The following CRB1 variants were observed in gnomAD, a reference collection of about 807,000 sequenced individuals.
CRB1 encodes protein crumbs homolog 1.
CRB1 carries 83 observed loss-of-function variants against 120.0 expected under a neutral mutation model. The ratio of observed to expected loss-of-function variants is 0.69; its 90% CI spans 0.58 to 0.83. The LOEUF (loss-of-function observed/expected upper bound fraction) is 0.83, where lower values mean the gene tolerates loss of function less well. CRB1 is among the 40% of genes least tolerant of loss of function. The pLI, the probability that CRB1 is intolerant of heterozygous loss-of-function variation, is 0.00. For missense variants in CRB1, 1,699 were observed against 1,687.6 expected (o/e 1.01, Z -0.12); for synonymous variants, 625 against 612.5 (o/e 1.02, Z -0.30).
intron 5 of CRB1, among the ~76,000 whole-genome samples, chr1:197,403,100 C>A (rs1410044883): frequency 1.3e-5 from 2 of 152,092 alleles, no homozygotes; most frequent in Non-Finnish European, 2.9e-5. Flanking sequence ...TTGTTATAAG[C>A]CAGATTTTGG....
Position 197,347,462 on chromosome 1 carries a change from C to A in CRB1, c.971C>A (p.Thr324Asn). The part of the protein sequence containing the change: ...ATCEDSVDNY[T>N]CHCWPGYTGA... ...TGTGAGGACAGTGTTGACAATTACA[C>A]TTGTCACTGCTGGCCTGGTGAGTGA... Residue 324 changes from threonine (T) to asparagine (N), a missense_variant, in exon 4 of 12, where the codon ACT becomes AAT. Thr to Asn is a moderately conservative substitution (Grantham distance 65). Transcript: ENST00000367400. The A allele has an allele frequency of 1.9e-6, 3 of 1,614,136 alleles. No individual in the cohort carries two copies. The highest frequency in any genetic ancestry group is 2.2e-5 in the South Asian group (2 of 91,080).
intron 1 of CRB1, among the ~76,000 whole-genome samples, chr1:197,294,867 G>T (rs1656426436): frequency 6.6e-6 from 1 of 152,036 alleles, no homozygotes; most frequent in African/African-American, 2.4e-5. Context: ...GAGAACACTT[G>T]GACACAGGAA....
chr1:197,346,531 C>T (rs1223253378), intron 3 of CRB1, among the ~76,000 whole-genome samples: 1 of 152,160 alleles, frequency 6.6e-6, no homozygotes, highest in Non-Finnish European at 1.5e-5. Flanking sequence ...GTGATAAAAA[C>T]ACACACAGCC....
chr1:197,386,687 C>T (rs34241991), intron 5 of CRB1, among the ~76,000 whole-genome samples: 38,799 of 151,968 alleles, frequency 0.26, 5,366 homozygotes, highest in Middle Eastern at 0.39. Context: ...TCCTCTTTAA[C>T]TCTGGAGGTT....
intron 11 of CRB1, among the ~76,000 whole-genome samples, chr1:197,448,337 T>C (rs1331045310): frequency 6.6e-6 from 1 of 152,176 alleles, no homozygotes; most frequent in Non-Finnish European, 1.5e-5. Context: ...CTGACTACAG[T>C]CTTAGCTTTA....
intron 2 of CRB1, 92 bp from the exon 3 acceptor site, chr1:197,344,189 G>C: frequency 8.4e-7 from 1 of 1,190,412 alleles, no homozygotes. Flanking sequence ...CATTTGACAA[G>C]TGCTCTGGTA....
the CRB1 span, among the ~76,000 whole-genome samples, chr1:197,259,469 G>C: frequency 2.0e-5 from 3 of 152,172 alleles, no homozygotes; most frequent in East Asian, 3.9e-4. Flanking sequence ...ACAAGTGGGA[G>C]TTGAACAATG....
At chr1:197,416,735 A>G (rs1193065112) in intron 5 of CRB1, among the ~76,000 whole-genome samples, 1 of 152,066 alleles carries the variant, frequency 6.6e-6, no homozygotes, top group Non-Finnish European at 1.5e-5. Context: ...TTTGAGACAG[A>G]GTCTCGCTCT....
In CRB1 at chr1:197,450,048, G is replaced by T. The variant is rs143946735; in HGVS notation, c.4005+7756G>T. On this transcript the variant is annotated intron_variant, in intron 11 of 11. Transcript: ENST00000367400. ...ACTCCAAAAAAATAAAAATCACATA[G>T]TGCCCTCCGCTCTGCTTAGTTCAAA... 4.6e-5 allele frequency among the ~76,000 whole-genome samples: 7 copies of T among 152,250 alleles called. No homozygotes were observed. The East Asian group carries it at 1.4e-3, about 29-fold the overall frequency.
intron 1 of CRB1, among the ~76,000 whole-genome samples, chr1:197,304,880 A>G (rs1346942990): frequency 6.6e-6 from 1 of 152,170 alleles, no homozygotes; most frequent in Non-Finnish European, 1.5e-5. Context: ...GACCATGGCA[A>G]TGGTGGCAGT....
chr1:197,337,092 G>A (rs1277291298), intron 2 of CRB1, among the ~76,000 whole-genome samples: 1 of 152,170 alleles, frequency 6.6e-6, no homozygotes, highest in African/African-American at 2.4e-5. Flanking sequence ...GAAAAGGTGA[G>A]GCTTTTGGGA....
At chr1:197,315,253 A>C (rs1283028669) in intron 1 of CRB1, among the ~76,000 whole-genome samples, 1 of 152,066 alleles carries the variant, frequency 6.6e-6, no homozygotes, top group Non-Finnish European at 1.5e-5. Flanking sequence ...CTGTCATTCC[A>C]TCACAATGGC....
chr1:197,446,605 T>C (rs1665712890), intron 11 of CRB1, among the ~76,000 whole-genome samples: 1 of 152,196 alleles, frequency 6.6e-6, no homozygotes, highest in African/African-American at 2.4e-5. Context: ...GAAAGATCAC[T>C]TGGGCTTCTA....
At chr1:197,240,503 T>G in the CRB1 span, among the ~76,000 whole-genome samples, 4 of 152,298 alleles carry the variant, frequency 2.6e-5, no homozygotes, top group South Asian at 6.2e-4. Flanking sequence ...TTGCTGAGAA[T>G]GATGGTTTCC....
chr1:197,236,653 G>A, the CRB1 span, among the ~76,000 whole-genome samples: 1 of 152,164 alleles, frequency 6.6e-6, no homozygotes, highest in African/African-American at 2.4e-5. Flanking sequence ...TAGCTGTGGG[G>A]TTTGCTTGTG....
chr1:197,270,387 A>G (rs1654842562), intron 1 of CRB1, among the ~76,000 whole-genome samples: 1 of 152,190 alleles, frequency 6.6e-6, no homozygotes, highest in Non-Finnish European at 1.5e-5. Flanking sequence ...TGCCTGGTTA[A>G]AATGTGCAGC....
chr1:197,438,942 A>G (rs938842306), intron 10 of CRB1: 3 of 364,670 alleles, frequency 8.2e-6, no homozygotes, highest in South Asian at 4.8e-5. Flanking sequence ...TCTTATAAGT[A>G]CTTCTGAATT....
the CRB1 span, among the ~76,000 whole-genome samples, chr1:197,259,189 A>G: frequency 4.6e-5 from 7 of 152,216 alleles, no homozygotes; most frequent in Admixed American, 2.0e-4. Flanking sequence ...TATATACCCA[A>G]TGGAATATAA....
intron 1 of CRB1, among the ~76,000 whole-genome samples, chr1:197,318,912 G>A (rs369420882): frequency 1.3e-5 from 2 of 152,042 alleles, no homozygotes; most frequent in East Asian, 3.9e-4. Flanking sequence ...ATAAGTTCTG[G>A]TGTTCTGTTG....
Sources: gnomAD v4.1 joint callset for allele counts (sites outside exome capture counted in the v4.1 genomes callset) on GRCh38, gnomAD v4.1.1 for gene constraint, MANE v1.5 for transcripts, NCBI Gene and HGNC (gene_info 2026-07-23, HGNC 2026-07-21) for gene names.